The following METTL8 variants were observed in gnomAD, a reference collection of about 807,000 sequenced individuals.
The protein encoded by METTL8 is methyltransferase 8, tRNA N3-cytidine, also known as tRNA N(3)-cytidine methyltransferase METTL8, mitochondrial.
METTL8 carries 32 observed loss-of-function variants against 48.7 expected under a neutral mutation model. The observed-to-expected ratio is 0.66, with a 90% CI of 0.50 to 0.88. METTL8 has a LOEUF of 0.88. Among genes scored for constraint, METTL8 ranks in the 40% least tolerant of loss-of-function variants. The probability of loss-of-function intolerance (pLI) is 0.00; values close to 1 mark genes in which losing one functional copy is unlikely to be tolerated. For missense variants in METTL8, 464 were observed against 474.4 expected, an observed-to-expected ratio of 0.98 and a Z score of 0.20; for synonymous variants, 136 against 157.1, an observed-to-expected ratio of 0.87 and a Z score of 1.01.
chr2:171,386,364 C>T (rs748170749), intron 2 of METTL8, among the ~76,000 whole-genome samples: 1 of 152,150 alleles, frequency 6.6e-6, no homozygotes, highest in Non-Finnish European at 1.5e-5. Context: ...TTTAATGGAG[C>T]AGCTGTCCAA....
intron 5 of METTL8, among the ~76,000 whole-genome samples, chr2:171,335,218 G>C (rs1685959931): frequency 6.6e-6 from 1 of 152,028 alleles, no homozygotes; most frequent in Non-Finnish European, 1.5e-5. Flanking sequence ...ACATTAACTG[G>C]TTATTAAATG....
At chr2:171,371,848 T>C (rs947688163) in intron 2 of METTL8, among the ~76,000 whole-genome samples, 1 of 147,618 alleles carries the variant, frequency 6.8e-6, no homozygotes, top group Non-Finnish European at 1.5e-5. Flanking sequence ...ATTATTATTA[T>C]TATTATTATT....
chr2:171,434,184 A>G, upstream of METTL8: 1 of 381,798 alleles, frequency 2.6e-6, no homozygotes, highest in East Asian at 7.9e-5. Flanking sequence ...GGGCCGGGCA[A>G]GCCCTCGCTC....
intron 2 of METTL8, among the ~76,000 whole-genome samples, chr2:171,366,124 G>A (rs72880576): frequency 0.12 from 17,747 of 152,102 alleles, 1,149 homozygotes; most frequent in Middle Eastern, 0.2. Flanking sequence ...AGGCAGAGTC[G>A]CCACAGGATC....
intron 2 of METTL8, among the ~76,000 whole-genome samples, chr2:171,364,923 T>C (rs542456111): frequency 1.3e-5 from 2 of 152,390 alleles, no homozygotes; most frequent in African/African-American, 4.8e-5. Flanking sequence ...ACAAATGTAT[T>C]AGATGACTAG....
Position 171,317,730 on chromosome 2 carries a change from T to G in METTL8, c.*6442A>C, listed in dbSNP as rs1684330701. On this transcript the variant is annotated 3_prime_UTR_variant, in exon 10 of 10. Transcript: ENST00000375258. ...CTGTTGTTTTAAACTCTTGGCCAAG[T>G]AGCAGTGCCTTGTAGCTTGCCTTTG... The G allele has an allele frequency of 6.6e-6, 1 of 152,238 alleles. No homozygotes were observed. The highest frequency in any genetic ancestry group is 6.5e-5 in the Admixed American group (1 of 15,284). 9.4% of individuals were successfully genotyped at this position (152,238 alleles called of 1,614,324 possible).
At chr2:171,334,364 G>T (rs1284509125) in intron 5 of METTL8, among the ~76,000 whole-genome samples, 3 of 152,078 alleles carry the variant, frequency 2.0e-5, no homozygotes, top group Non-Finnish European at 2.9e-5. Flanking sequence ...TGACTTTCCA[G>T]AACCTTTCTG....
upstream of METTL8, chr2:171,434,595 G>C (rs759528673): frequency 2.6e-5 from 40 of 1,527,716 alleles, no homozygotes; most frequent in South Asian, 7.2e-5. Flanking sequence ...CGACCCGGAA[G>C]CCCAACGTGT....
intron 3 of METTL8, among the ~76,000 whole-genome samples, chr2:171,339,842 A>T (rs994510561): frequency 2.0e-5 from 3 of 152,204 alleles, no homozygotes; most frequent in Admixed American, 2.0e-4. Context: ...ATCACTGCAA[A>T]CAACTTTCTA....
intron 2 of METTL8, chr2:171,375,349 G>A: frequency 1.5e-6 from 1 of 662,848 alleles, no homozygotes; most frequent in Non-Finnish European, 2.7e-6. Context: ...TAGCATAGTG[G>A]TGAGTAAAAA....
chr2:171,411,114 A>G (rs1247317401), intron 1 of METTL8, among the ~76,000 whole-genome samples: 4 of 152,252 alleles, frequency 2.6e-5, no homozygotes, highest in African/African-American at 9.6e-5. Flanking sequence ...ATATGAAGAA[A>G]GCTATACAAC....
chr2:171,407,100 A>G (rs1574169735), intron 1 of METTL8, among the ~76,000 whole-genome samples: 1 of 152,182 alleles, frequency 6.6e-6, no homozygotes. Flanking sequence ...ATAACTAGTA[A>G]CCACAGAGTA....
chr2:171,404,307 C>T lies in METTL8; in HGVS notation c.-12-12110G>A, dbSNP rs571079644. On this transcript the variant is annotated intron_variant, in intron 1 of 9. Transcript: ENST00000375258. ...GCAGTGAGGTGAATGATGCAGGCAT[C>T]GTGACATAGTGTTAAGCTACTATTG... Among the ~76,000 whole-genome samples, 21 of 151,810 alleles carry T rather than the reference C, an allele frequency of 1.4e-4. No individual in the cohort carries two copies. The South Asian group carries it at 4.2e-3, about 30-fold the overall frequency.
At chr2:171,357,403 A>C (rs1684702426) in intron 3 of METTL8, among the ~76,000 whole-genome samples, 1 of 152,236 alleles carries the variant, frequency 6.6e-6, no homozygotes, top group Non-Finnish European at 1.5e-5. Flanking sequence ...CAATCTGAAA[A>C]AGAAATCAAG....
intron 1 of METTL8, among the ~76,000 whole-genome samples, chr2:171,395,450 G>A (rs1427022288): frequency 6.6e-6 from 1 of 152,098 alleles, no homozygotes; most frequent in Non-Finnish European, 1.5e-5. Flanking sequence ...GCAATATACT[G>A]TTTATAAGGC....
intron 5 of METTL8, chr2:171,332,933 G>A (rs1420262556): frequency 6.6e-6 from 1 of 151,922 alleles, no homozygotes; most frequent in Non-Finnish European, 1.5e-5. Context: ...GTATATGGCA[G>A]GATAAAAAGG....
chr2:171,425,606 G>A (rs1167501526), intron 1 of METTL8, among the ~76,000 whole-genome samples: 1 of 152,202 alleles, frequency 6.6e-6, no homozygotes, highest in East Asian at 1.9e-4. Flanking sequence ...TCCAGTGAGG[G>A]TAGAACAGGA....
chr2:171,404,022 G>C (rs1484643449), intron 1 of METTL8, among the ~76,000 whole-genome samples: 1 of 120,200 alleles, frequency 8.3e-6, no homozygotes, highest in Admixed American at 9.3e-5. Context: ...ACTGTGAATA[G>C]TAACAAACCC....
At chr2:171,409,991 A>G (rs1055375656) in intron 1 of METTL8, among the ~76,000 whole-genome samples, 3 of 152,252 alleles carry the variant, frequency 2.0e-5, no homozygotes, top group Non-Finnish European at 2.9e-5. Context: ...CCAGGAAACT[A>G]TATAAACTTA....
Sources: allele counts gnomAD v4.1 joint callset (sites outside exome capture counted in the v4.1 genomes callset), GRCh38; gene constraint gnomAD v4.1.1; transcripts MANE v1.5; gene names NCBI Gene and HGNC (gene_info 2026-07-23, HGNC 2026-07-21).